PABPN1: variants seen among roughly 807,000 people sequenced by gnomAD.
The protein encoded by PABPN1 is polyadenylate-binding protein 2.
PABPN1 carries 5 observed loss-of-function variants against 33.4 expected under a neutral mutation model. That is an observed-to-expected ratio of 0.15 (90% CI 0.08 to 0.32). The LOEUF is 0.32. Among genes scored for constraint, PABPN1 ranks in the 10% least tolerant of loss-of-function variants. The pLI, the probability that PABPN1 is intolerant of heterozygous loss-of-function variation, is 1.00. For missense variants in PABPN1, 312 were observed against 425.8 expected (o/e 0.73, Z 2.35); for synonymous variants, 176 against 170.6 (o/e 1.03, Z -0.25).
chr14:23,322,029 T>A, intron 1 of PABPN1, 152 bp from the exon 2 acceptor site: 2 of 889,174 alleles, frequency 2.2e-6, no homozygotes, highest in Non-Finnish European at 3.6e-6. Flanking sequence ...AGTGTTGTTC[T>A]AGAGAGGGTA....
intron 3 of PABPN1, 52 bp downstream of exon 3, chr14:23,323,118 A>G: frequency 6.2e-7 from 1 of 1,610,052 alleles, no homozygotes; most frequent in South Asian, 1.1e-5. Context: ...CTTTTGGGGA[A>G]TTATTTAATA....
chr14:23,322,869 G>A, intron 2 of PABPN1, 130 bp from the exon 3 acceptor site: 1 of 1,176,292 alleles, frequency 8.5e-7, no homozygotes, highest in Non-Finnish European at 1.3e-6. Context: ...GGGTACAGCA[G>A]GGAACAGCAC....
At position 23,323,904 on chromosome 14, in the gene PABPN1, G is replaced by A; in HGVS notation, c.642-61G>A. ...AGCCCAAAACGAAGCATGCCTGCAGGTTGAATTTGACCTGTGAGGTATTTG... is the reference window on the plus strand; with the variant it reads ...AGCCCAAAACGAAGCATGCCTGCAGATTGAATTTGACCTGTGAGGTATTTG... On this transcript the variant is annotated intron_variant, in intron 4 of 6. Coordinates refer to ENST00000216727, the MANE Select transcript of PABPN1 (RefSeq NM_004643.4). 3 of 1,576,198 alleles carry A rather than the reference G, an allele frequency of 1.9e-6. No homozygotes were observed. In the South Asian group the frequency reaches 3.3e-5, roughly 18 times the overall value.
At chr14:23,323,261 C>G in intron 3 of PABPN1, 116 bp from the exon 4 acceptor site, 1 of 1,307,404 alleles carries the variant, frequency 7.6e-7, no homozygotes, top group Non-Finnish European at 1.1e-6. Context: ...ATTAATTCCT[C>G]AAATTACCAG....
At chr14:23,324,770 A>G in intron 6 of PABPN1, 1 of 258,890 alleles carries the variant, frequency 3.9e-6, no homozygotes, top group Non-Finnish European at 7.5e-6. Flanking sequence ...TATTTGAGCC[A>G]GTCTTGCAAG....
At position 23,322,304 on chromosome 14, in the gene PABPN1, C is replaced by G; in HGVS notation, c.466+9C>G. The G allele has an allele frequency of 6.3e-7, 1 of 1,590,876 alleles. No individual in the cohort carries two copies. On this transcript the variant is annotated intron_variant, in intron 2 of 6. Coordinates refer to ENST00000216727, the MANE Select transcript of PABPN1 (RefSeq NM_004643.4). ...TCCACCTCCAGGCAATGGTGAGTAA[C>G]TGGCGGTTGCACGCGGAGCCCGGGT... is the stretch of plus-strand genomic sequence containing the variant.
chr14:23,322,158 C>T (rs1328978905), intron 1 of PABPN1, 23 bp from the exon 2 acceptor site: 3 of 1,587,696 alleles, frequency 1.9e-6, no homozygotes, highest in Non-Finnish European at 1.7e-6. Flanking sequence ...AGCTGTCCTC[C>T]ATACCCTCCC....
intron 2 of PABPN1, chr14:23,322,772 T>A: frequency 1.7e-6 from 1 of 580,764 alleles, no homozygotes; most frequent in Non-Finnish European, 3.1e-6. Flanking sequence ...GAGGGATTCC[T>A]ATACTGTTTT....
In PABPN1 at chr14:23,322,261, G is replaced by A. The variant is rs758756549; in HGVS notation, c.432G>A (p.Glu144=). The change falls in exon 2 of 7, where the codon GAG becomes GAA. Residue 144 remains glutamate (E), a synonymous_variant. Transcript: ENST00000216727. ...EKLKELQNEV[E]KQMNMSPPPG... ...TAAAGGAGCTACAGAACGAGGTAGA[G>A]AAGCAGATGAATATGAGTCCACCTC... The A allele has an allele frequency of 1.2e-5, 20 of 1,608,704 alleles. No homozygotes were observed. In the South Asian group the frequency reaches 1.7e-4, roughly 13 times the overall value.
chr14:23,325,415 T>C lies in PABPN1; in HGVS notation c.*129T>C. On this transcript the variant is annotated 3_prime_UTR_variant, in exon 7 of 7. Coordinates refer to ENST00000216727, the MANE Select transcript of PABPN1 (RefSeq NM_004643.4). ...AAAAAAATATTTTTTAAAAAAAAGA[T>C]ATACTGTGGAAGGGGGGAGAATCCC... The C allele has an allele frequency of 8.2e-7, 1 of 1,224,200 alleles. No individual in the cohort carries two copies. The highest frequency in any genetic ancestry group is 1.1e-6 in the Non-Finnish European group (1 of 901,610). The allele number at this position is 1,224,200 out of a possible 1,614,324, so 75.8% of individuals were successfully genotyped here.
intron 3 of PABPN1, 49 bp downstream of exon 3, chr14:23,323,115 G>C: frequency 6.2e-7 from 1 of 1,611,476 alleles, no homozygotes; most frequent in South Asian, 1.1e-5. Flanking sequence ...CTTCTTTTGG[G>C]GAATTATTTA....
rs769774240 is a variant in PABPN1 at position 23,323,364 on chromosome 14, C to T, written c.535-13C>T. 1 of 1,612,282 alleles carries T rather than the reference C, an allele frequency of 6.2e-7. No homozygotes were observed. The highest frequency in any genetic ancestry group is 1.3e-5 in the African/African-American group (1 of 74,860). On this transcript the variant is annotated splice_polypyrimidine_tract_variant and intron_variant, in intron 3 of 6. Transcript: ENST00000216727. ...TTTGCCTGGTGCCTGTGAAATTTTT[C>T]TCCTCTCATCAGGTGGACTATGGTG... is the stretch of plus-strand genomic sequence containing the variant.
chr14:23,321,927 G>GGGGGGGGGGGGGGCCA, intron 1 of PABPN1, 107 bp downstream of exon 1: 1 of 458,118 alleles, frequency 2.2e-6, no homozygotes, highest in Non-Finnish European at 4.0e-6. Flanking sequence ...GTTGGGCGGG[G>GGGGGGGGGGGGGGCCA]AATAACGTGG....
rs961334908 is a variant in PABPN1 at position 23,324,460 on chromosome 14, C to T, written c.881+171C>T. On this transcript the variant is annotated intron_variant, in intron 6 of 6. Coordinates refer to ENST00000216727, the MANE Select transcript of PABPN1 (RefSeq NM_004643.4). ...GTAGTTGCAGGCCAGGCCAGAAGGC[C>T]AGCCTCATCATCTTTTCTGCAGTAG... 26 of 820,966 alleles carry T rather than the reference C, an allele frequency of 3.2e-5. No individual in the cohort carries two copies. The African/African-American group carries it at 4.2e-4, about 13-fold the overall frequency. The allele number at this position is 820,966 out of a possible 1,614,324, so 50.9% of individuals were successfully genotyped here.
Position 23,321,788 on chromosome 14 carries a change from G to T in PABPN1, c.319G>T (p.Gly107Cys). 6.6e-7 allele frequency: 1 copy of T among 1,512,342 alleles called. No homozygotes were observed. Among genetic ancestry groups the T allele is most frequent in the Non-Finnish European group, 8.8e-7 (1 of 1,131,092 alleles). 93.7% of individuals were successfully genotyped at this position (1,512,342 alleles called of 1,614,324 possible). ...EEEEEPGLVE[G>C]DPGDGAIEDP... ...GGAGGAGGAGCCGGGACTGGTCGAGGGTGACCCGGGGGACGGCGCCATTGA... is the reference window on the plus strand; with the variant it reads ...GGAGGAGGAGCCGGGACTGGTCGAGTGTGACCCGGGGGACGGCGCCATTGA... The change falls in exon 1 of 7, where the codon GGT (glycine) becomes TGT (cysteine). Residue 107 changes from glycine to cysteine, a missense_variant. Transcript: ENST00000216727.
chr14:23,324,789 C>G lies in PABPN1; in HGVS notation c.882-458C>G, dbSNP rs369600754. The G allele has an allele frequency of 2.0e-4, 51 of 253,318 alleles. No individual in the cohort carries two copies. In the South Asian group the frequency reaches 2.9e-3, roughly 14 times the overall value. 15.7% of individuals were successfully genotyped at this position (253,318 alleles called of 1,614,324 possible). A position where few individuals can be genotyped will look rare whatever the true frequency, so the allele number is the denominator to read the frequency against. On this transcript the variant is annotated intron_variant, in intron 6 of 6. Transcript: ENST00000216727. ...TGAGCCAGTCTTGCAAGGTTAACTT[C>G]TCACTGGGCCTAGTGTGGTGCCCAG... is the stretch of plus-strand genomic sequence containing the variant.
chr14:23,322,072 G>T (rs1290434753), intron 1 of PABPN1, 109 bp from the exon 2 acceptor site: 2 of 1,176,670 alleles, frequency 1.7e-6, no homozygotes, highest in Non-Finnish European at 2.5e-6. Context: ...CGCATGGGGC[G>T]AGGGAAATGG....
chr14:23,321,466 G>A lies in PABPN1; in HGVS notation c.-4G>A. 1.7e-6 allele frequency: 2 copies of A among 1,154,514 alleles called. No homozygotes were observed. Among genetic ancestry groups the A allele is most frequent in the Non-Finnish European group, 1.1e-6 (1 of 940,182 alleles). 71.5% of individuals were successfully genotyped at this position (1,154,514 alleles called of 1,614,324 possible). On this transcript the variant is annotated 5_prime_UTR_variant, in exon 1 of 7. Coordinates refer to ENST00000216727, the MANE Select transcript of PABPN1 (RefSeq NM_004643.4). ...CCGGGCGGCGGGCCCCAGTCTGAGCGGCGATGGCGGCGGCGGCGGCGGCGG... is the reference window on the plus strand; with the variant it reads ...CCGGGCGGCGGGCCCCAGTCTGAGCAGCGATGGCGGCGGCGGCGGCGGCGG...
intron 4 of PABPN1, 102 bp downstream of exon 4, chr14:23,323,585 G>T: frequency 9.2e-7 from 1 of 1,089,376 alleles, no homozygotes; most frequent in South Asian, 1.3e-5. Context: ...TAACACAGGT[G>T]ATCTGTGTCA....
Sources: allele counts gnomAD v4.1 joint callset, GRCh38; gene constraint gnomAD v4.1.1; transcripts MANE v1.5; gene names NCBI Gene and HGNC (gene_info 2026-07-23, HGNC 2026-07-21).